The following ZNF655 variants were observed in gnomAD, a reference collection of about 807,000 sequenced individuals.
The protein encoded by ZNF655 is zinc finger protein 655.
A neutral mutation model predicts 6.6 loss-of-function variants in ZNF655; 3 were observed. That is an observed-to-expected ratio of 0.46 (90% CI 0.21 to 1.18). ZNF655 has a LOEUF of 1.18. Among genes scored for constraint, ZNF655 ranks in the 50% most tolerant of loss-of-function variants. The pLI, the probability that ZNF655 is intolerant of heterozygous loss-of-function variation, is 0.24. For synonymous variants in ZNF655, 178 were observed against 195.0 expected, an observed-to-expected ratio of 0.91 and a Z score of 0.73; for missense variants, 526 against 572.3, an observed-to-expected ratio of 0.92 and a Z score of 0.83.
rs1227956146 is a variant in ZNF655, at chr7:99,575,166, A to AT, written c.*1583dup. On this transcript the variant is annotated 3_prime_UTR_variant, in exon 3 of 3. Transcript: ENST00000252713. ...TACATTCATCCAGTGCCTATTCTGC[A>AT]TGCCTAAGCTTAGAGTTCTTTTATA... 1 of 152,650 alleles carries AT rather than the reference A, an allele frequency of 6.6e-6. No homozygotes were observed. The highest frequency in any genetic ancestry group is 6.5e-5 in the Admixed American group (1 of 15,276). 9.5% of individuals were successfully genotyped at this position (152,650 alleles called of 1,614,324 possible).
At chr7:99,559,653 G>A (rs776657967) in intron 1 of ZNF655, among the ~76,000 whole-genome samples, 1 of 152,122 alleles carries the variant, frequency 6.6e-6, no homozygotes, top group Non-Finnish European at 1.5e-5. Flanking sequence ...TTTGAGGTGG[G>A]CTGTCACGCT....
At chr7:99,560,420 C>G in intron 1 of ZNF655, 113 bp from the exon 2 acceptor site, 2 of 1,104,336 alleles carry the variant, frequency 1.8e-6, no homozygotes, top group Non-Finnish European at 2.5e-6. Flanking sequence ...TCATTATCAA[C>G]TAATTTTTAT....
chr7:99,562,544 C>A, intron 2 of ZNF655: 1 of 1,580,400 alleles, frequency 6.3e-7, no homozygotes, highest in Non-Finnish European at 8.6e-7. Context: ...TCTTTACTTT[C>A]TTGTTTCTTC....
At position 99,566,524 on chromosome 7, in the gene ZNF655, C is replaced by T. The variant is rs550026531; in HGVS notation, c.137-5721C>T. Among the ~76,000 whole-genome samples, 4 of 152,252 alleles carry T rather than the reference C, an allele frequency of 2.6e-5. No homozygotes were observed. In the South Asian group the frequency reaches 6.2e-4, roughly 24 times the overall value. On this transcript the variant is annotated intron_variant, in intron 2 of 2. Coordinates refer to ENST00000252713, the MANE Select transcript of ZNF655 (RefSeq NM_138494.3). ...GCTTTCAGATGGCTAAAAGCATAGCCGTAGTAAAAGCAGCAAACCATATGA... is the reference window on the plus strand; with the variant it reads ...GCTTTCAGATGGCTAAAAGCATAGCTGTAGTAAAAGCAGCAAACCATATGA...
chr7:99,562,437 C>T, intron 2 of ZNF655: 1 of 1,614,112 alleles, frequency 6.2e-7, no homozygotes, highest in East Asian at 2.2e-5. Flanking sequence ...GGACCCTGTT[C>T]AGAGGGACCT....
At chr7:99,561,919 C>A in intron 2 of ZNF655, 1 of 1,595,326 alleles carries the variant, frequency 6.3e-7, no homozygotes, top group South Asian at 1.1e-5. Flanking sequence ...CTGCTCTTCC[C>A]CGTGAGGGAA....
At chr7:99,565,203 C>G (rs1803530970) in intron 2 of ZNF655, among the ~76,000 whole-genome samples, 1 of 151,302 alleles carries the variant, frequency 6.6e-6, no homozygotes, top group African/African-American at 2.4e-5. Context: ...GAGTCTTGCT[C>G]TGTTGCCCAG....
chr7:99,571,876 A>T (rs1562937528), intron 2 of ZNF655: 13 of 896,626 alleles, frequency 1.4e-5, no homozygotes, highest in Non-Finnish European at 2.2e-5. Context: ...GGCACTCAGA[A>T]TGAAGAGCTC....
intron 1 of ZNF655, chr7:99,559,119 A>T (rs1345237235): frequency 1.3e-5 from 2 of 152,166 alleles, no homozygotes; most frequent in Non-Finnish European, 2.9e-5. Context: ...CCGAGCTGGG[A>T]GCCGGGCAGG....
chr7:99,572,692 A>C lies in ZNF655; in HGVS notation c.584A>C (p.Asp195Ala). The change falls in exon 3 of 3, where the codon GAT (aspartate) becomes GCT (alanine). Residue 195 changes from aspartate to alanine, a missense_variant. By Grantham distance (126) the Asp-to-Ala change is moderately radical. Coordinates refer to ENST00000252713, the MANE Select transcript of ZNF655 (RefSeq NM_138494.3). ...QSSECKESLM[D>A]LSHLNKWESI... is the part of the protein sequence containing the mutation. ...AGTGAATGTAAGGAAAGCTTAATGG[A>C]TCTCTCCCACCTTAATAAATGGGAG... 1 of 1,613,590 alleles carries C rather than the reference A, an allele frequency of 6.2e-7. No homozygotes were observed. Among genetic ancestry groups the C allele is most frequent in the East Asian group, 2.2e-5 (1 of 44,870 alleles).
At chr7:99,562,601 C>G in intron 2 of ZNF655, 1 of 1,162,716 alleles carries the variant, frequency 8.6e-7, no homozygotes. Flanking sequence ...GGCTTAGATT[C>G]CAGGACTTAG....
At chr7:99,560,253 T>G (rs1803014196) in intron 1 of ZNF655, among the ~76,000 whole-genome samples, 2 of 151,816 alleles carry the variant, frequency 1.3e-5, no homozygotes, top group African/African-American at 4.8e-5. Context: ...CTGGCTAATT[T>G]TTGTATTTTT....
chr7:99,561,894 C>A, intron 2 of ZNF655: 2 of 1,556,028 alleles, frequency 1.3e-6, no homozygotes, highest in Non-Finnish European at 8.7e-7. Context: ...TCAGCTCCAC[C>A]TGTTCCTCAG....
At chr7:99,570,649 A>G (rs564389916) in intron 2 of ZNF655, 4 of 152,354 alleles carry the variant, frequency 2.6e-5, no homozygotes, top group African/African-American at 9.6e-5. Flanking sequence ...TATGAATGAC[A>G]ATACCTGAAA....
intron 2 of ZNF655, among the ~76,000 whole-genome samples, chr7:99,562,899 G>T (rs116555422): frequency 2.0e-5 from 3 of 152,046 alleles, no homozygotes; most frequent in African/African-American, 7.3e-5. Context: ...GAGAATTGAA[G>T]AATTTCCCAT....
rs1804182498 is a variant in ZNF655 at position 99,572,798 on chromosome 7, T to C, written c.690T>C (p.His230=). 6.2e-7 allele frequency: 1 copy of C among 1,613,396 alleles called. No homozygotes were observed. Among genetic ancestry groups the C allele is most frequent in the African/African-American group, 1.3e-5 (1 of 74,860 alleles). ...ATCAGAGCTCAGCCCTTACTAGACA[T>C]CAGAGAATCCATACTAGAGAGAAGC... The part of the protein sequence containing the change: ...IFHQSSALTR[H]QRIHTREKPY... The change falls in exon 3 of 3, where the codon CAT becomes CAC. Residue 230 remains histidine, a synonymous_variant. Transcript: ENST00000252713.
At position 99,572,517 on chromosome 7, in the gene ZNF655, A is replaced by G; in HGVS notation, c.409A>G (p.Ser137Gly). 6.2e-7 allele frequency: 1 copy of G among 1,614,022 alleles called. No individual in the cohort carries two copies. Among genetic ancestry groups the G allele is most frequent in the Non-Finnish European group, 8.5e-7 (1 of 1,179,960 alleles). ...CAATGAATGTCATGAACCCGAAAAAAGCTTCAGTCTGGACTCTACTATTGA... is the reference window on the plus strand; with the variant it reads ...CAATGAATGTCATGAACCCGAAAAAGGCTTCAGTCTGGACTCTACTATTGA... Reference protein sequence around the residue: ...KNNECHEPEKSFSLDSTIDAD... With the variant: ...KNNECHEPEKGFSLDSTIDAD... The change falls in exon 3 of 3, where the codon AGC becomes GGC. Residue 137 changes from serine (S) to glycine (G), a missense_variant. By Grantham distance (56) the Ser-to-Gly change is moderately conservative. Coordinates refer to ENST00000252713, the MANE Select transcript of ZNF655 (RefSeq NM_138494.3).
Position 99,562,461 on chromosome 7 carries a change from A to G in ZNF655, c.136+1766A>G, listed in dbSNP as rs141169297. ...TCAGAGGGACCTCTACAGAGAAGTG[A>G]TGTTAGAGAATTATGGGAACGTGGT... On this transcript the variant is annotated intron_variant, in intron 2 of 2. Coordinates refer to ENST00000252713, the MANE Select transcript of ZNF655 (RefSeq NM_138494.3). 2,456 of 1,613,976 alleles carry G rather than the reference A, an allele frequency of 1.5e-3. 5 individuals carry two copies. Among genetic ancestry groups the G allele is most frequent in the Non-Finnish European group, 2.0e-3 (2,302 of 1,179,948 alleles).
At chr7:99,569,142 C>T (rs757619355) in intron 2 of ZNF655, among the ~76,000 whole-genome samples, 2 of 152,038 alleles carry the variant, frequency 1.3e-5, no homozygotes, top group Non-Finnish European at 2.9e-5. Context: ...CCTGGTTCAC[C>T]GTATGTTATT....
Sources: gnomAD v4.1 joint callset for allele counts (sites outside exome capture counted in the v4.1 genomes callset) on GRCh38, gnomAD v4.1.1 for gene constraint, MANE v1.5 for transcripts, NCBI Gene and HGNC (gene_info 2026-07-23, HGNC 2026-07-21) for gene names.